Variants in ARHGAP32 observed in about 807,000 individuals in gnomAD.
ARHGAP32 encodes rho GTPase-activating protein 32.
Under a neutral mutation model 186.5 loss-of-function variants are expected in ARHGAP32, and 51 were observed. The observed-to-expected ratio is 0.27, with a 90% CI of 0.22 to 0.35. The LOEUF is 0.35. ARHGAP32 is among the 10% of genes least tolerant of loss of function. ARHGAP32 has a pLI of 1.00. For synonymous variants in ARHGAP32, 950 were observed against 964.3 expected (o/e 0.99, Z 0.27); for missense variants, 2,186 against 2,623.5 (o/e 0.83, Z 3.64).
At chr11:129,272,756 T>C (rs909139938) in intron 1 of ARHGAP32, among the ~76,000 whole-genome samples, 1 of 152,228 alleles carries the variant, frequency 6.6e-6, no homozygotes, top group Non-Finnish European at 1.5e-5. Context: ...AGAAGACCTG[T>C]AGGCAAGAAG....
At chr11:129,229,055 A>T (rs1018672216) in intron 1 of ARHGAP32, among the ~76,000 whole-genome samples, 1 of 152,198 alleles carries the variant, frequency 6.6e-6, no homozygotes, top group African/African-American at 2.4e-5. Flanking sequence ...TTTAAGCCTT[A>T]TGTTTTTTAC....
rs1190414843 is a variant in ARHGAP32 at position 128,970,552 on chromosome 11, G to A, written c.4661C>T (p.Pro1554Leu). 1.2e-6 allele frequency: 2 copies of A among 1,614,160 alleles called. No homozygotes were observed. Among genetic ancestry groups the A allele is most frequent in the Non-Finnish European group, 1.7e-6 (2 of 1,180,022 alleles). The part of the protein sequence containing the change: ...MGLRYNTYVA[P>L]GRNASGHHSK... ...GTGGTGTCCAGATGCGTTTCTTCCTGGGGCCACATATGTGTTATAACGAAG... is the reference window on the plus strand; with the variant it reads ...GTGGTGTCCAGATGCGTTTCTTCCTAGGGCCACATATGTGTTATAACGAAG... The change falls in exon 23 of 23, where the codon CCA becomes CTA. Residue 1554 changes from proline (P) to leucine (L), a missense_variant. Around this residue, in one of 5 missense-constraint regions of ARHGAP32, gnomAD observed 1,502 missense variants for 1,570.0 expected, o/e 0.96. Coordinates refer to ENST00000682385, the MANE Select transcript of ARHGAP32 (RefSeq NM_001378024.1). This position sits in a 1 kb window ranked among gnomAD's most constrained non-coding sequence, Gnocchi z 5.8.
chr11:129,053,561 T>C (rs1228391943), intron 10 of ARHGAP32, among the ~76,000 whole-genome samples: 1 of 152,180 alleles, frequency 6.6e-6, no homozygotes, highest in Non-Finnish European at 1.5e-5. Context: ...ATGCCTAAAA[T>C]GCATAGGCTT....
chr11:129,050,879 A>G (rs1001751674), intron 10 of ARHGAP32, among the ~76,000 whole-genome samples: 60 of 152,290 alleles, frequency 3.9e-4, no homozygotes, highest in African/African-American at 1.3e-3. Flanking sequence ...CTTATGAGTG[A>G]GAACACGTGG....
At chr11:129,249,938 C>T (rs192704859) in intron 1 of ARHGAP32, among the ~76,000 whole-genome samples, 6 of 151,924 alleles carry the variant, frequency 3.9e-5, no homozygotes, top group Admixed American at 1.3e-4. Flanking sequence ...TGAGGCAGGG[C>T]GTGGTGGCTC....
chr11:129,196,894 T>C (rs1944399019), upstream of ARHGAP32, among the ~76,000 whole-genome samples: 1 of 151,966 alleles, frequency 6.6e-6, no homozygotes, highest in Non-Finnish European at 1.5e-5. Context: ...CCGTCTCTAC[T>C]AAAAATATAA....
intron 11 of ARHGAP32, among the ~76,000 whole-genome samples, chr11:129,015,866 A>T (rs888649325): frequency 9.9e-5 from 15 of 152,168 alleles, no homozygotes; most frequent in African/African-American, 3.6e-4. Flanking sequence ...ACACTGTATA[A>T]TCTGGTAAGT....
At chr11:129,027,098 CAAA>C (rs368676310) in intron 11 of ARHGAP32, among the ~76,000 whole-genome samples, 7 of 108,180 alleles carry the variant, frequency 6.5e-5, no homozygotes, top group Non-Finnish European at 5.8e-5. Context: ...GACTCTGTCT[CAAA>C]AAAAAAAAAA....
At chr11:129,156,700 A>C (rs1438671140) in intron 2 of ARHGAP32, among the ~76,000 whole-genome samples, 1 of 152,146 alleles carries the variant, frequency 6.6e-6, no homozygotes, top group Admixed American at 6.5e-5. Context: ...AGAGCAATGG[A>C]TCTCCCAGCA....
chr11:129,110,405 A>G (rs1942175201), intron 5 of ARHGAP32, among the ~76,000 whole-genome samples: 1 of 152,072 alleles, frequency 6.6e-6, no homozygotes, highest in South Asian at 2.1e-4. Flanking sequence ...TTTGCTAAGG[A>G]TTTCATTGGC....
chr11:129,208,587 A>G (rs1321101919), intron 1 of ARHGAP32, among the ~76,000 whole-genome samples: 1 of 152,178 alleles, frequency 6.6e-6, no homozygotes, highest in Admixed American at 6.6e-5. Context: ...AATGGAAAAG[A>G]CAATTAATCA....
chr11:129,199,029 A>C (rs984487707), intron 1 of ARHGAP32, among the ~76,000 whole-genome samples: 4 of 152,200 alleles, frequency 2.6e-5, no homozygotes, highest in African/African-American at 9.6e-5. Context: ...GACTGGTGGC[A>C]TTTTGCCCCT....
chr11:129,173,418 G>A (rs1386159381), intron 1 of ARHGAP32, among the ~76,000 whole-genome samples: 1 of 151,670 alleles, frequency 6.6e-6, no homozygotes, highest in African/African-American at 2.4e-5. Context: ...CATTCCTTCT[G>A]AAACCACTCC....
intron 2 of ARHGAP32, among the ~76,000 whole-genome samples, chr11:129,140,669 A>C (rs1943032234): frequency 6.6e-6 from 1 of 152,210 alleles, no homozygotes; most frequent in Non-Finnish European, 1.5e-5. Context: ...TCCTCAAAGG[A>C]GTAAGCTATG....
At chr11:129,113,690 AC>A (rs1356636478) in intron 5 of ARHGAP32, among the ~76,000 whole-genome samples, 2 of 152,064 alleles carry the variant, frequency 1.3e-5, no homozygotes, top group Non-Finnish European at 2.9e-5. Flanking sequence ...TACAGTTCAA[AC>A]CCATGTTGTT....
At chr11:129,143,625 A>AACT (rs1943109409) in intron 2 of ARHGAP32, among the ~76,000 whole-genome samples, 278 of 117,978 alleles carry the variant, frequency 2.4e-3, no homozygotes, top group Middle Eastern at 4.5e-3. Flanking sequence ...AATAGCCCCA[A>AACT]AGCACAAGAG....
intron 1 of ARHGAP32, among the ~76,000 whole-genome samples, chr11:129,164,737 A>T (rs887462487): frequency 3.3e-5 from 5 of 152,224 alleles, no homozygotes; most frequent in African/African-American, 1.2e-4. Context: ...AAAGATTTGC[A>T]ACAGCAATTA....
intron 11 of ARHGAP32, among the ~76,000 whole-genome samples, chr11:129,034,992 A>G (rs1939272336): frequency 6.6e-6 from 1 of 152,230 alleles, no homozygotes; most frequent in African/African-American, 2.4e-5. Flanking sequence ...AAAGCCTTCA[A>G]GAAAAGTGTC....
At chr11:129,040,822 C>G in intron 11 of ARHGAP32, 106 bp downstream of exon 11, 1 of 689,182 alleles carries the variant, frequency 1.5e-6, no homozygotes, top group South Asian at 2.0e-5. Context: ...ATTATTATGC[C>G]TATAAATGCA....
Sources: gnomAD v4.1 joint callset for allele counts (sites outside exome capture counted in the v4.1 genomes callset) on GRCh38, gnomAD v4.1.1 for gene constraint, gnomAD v4.1.1 regional missense constraint, Gnocchi (gnomAD v3.1) non-coding constraint, MANE v1.5 for transcripts, NCBI Gene and HGNC (gene_info 2026-07-23, HGNC 2026-07-21) for gene names.